The following MGST1 variants were observed in gnomAD, a reference collection of about 807,000 sequenced individuals.
MGST1 encodes microsomal glutathione S-transferase 1.
Under a neutral mutation model 8.9 loss-of-function variants are expected in MGST1, and 5 were observed. That is an observed-to-expected ratio of 0.56 (90% CI 0.29 to 1.19). The LOEUF (loss-of-function observed/expected upper bound fraction) is 1.19, where lower values mean the gene tolerates loss of function less well. Ranked by LOEUF, MGST1 falls within the 50% of genes most tolerant of loss-of-function variation. The pLI is 0.08. For synonymous variants in MGST1, 54 were observed against 67.8 expected, an observed-to-expected ratio of 0.80 and a Z score of 1.00; for missense variants, 182 against 187.4, an observed-to-expected ratio of 0.97 and a Z score of 0.17.
At position 16,364,113 on chromosome 12, in the gene MGST1, T is replaced by C. The variant is rs1055908210; in HGVS notation, c.*72T>C. 4.7e-6 allele frequency: 7 copies of C among 1,499,936 alleles called. No individual in the cohort carries two copies. The African/African-American group carries it at 8.4e-5, about 18-fold the overall frequency. 92.9% of individuals were successfully genotyped at this position (1,499,936 alleles called of 1,614,324 possible). ...TACTTCCAATTTATAATGAATACTT[T>C]CTTAGATTTTAGGTAGGAGGGGAGC... On this transcript the variant is annotated 3_prime_UTR_variant, in exon 4 of 4. Transcript: ENST00000396210. This position sits in a 1 kb window ranked among gnomAD's most constrained non-coding sequence, Gnocchi z 5.7.
downstream of MGST1, among the ~76,000 whole-genome samples, chr12:16,380,864 T>C (rs1433845111): frequency 6.6e-6 from 1 of 152,228 alleles, no homozygotes; most frequent in Non-Finnish European, 1.5e-5. Context: ...TAGTTAGCTC[T>C]TCTTGTTGAA....
chr12:16,583,818 G>A (rs1943238570), intron 4 of MGST1, among the ~76,000 whole-genome samples: 1 of 152,130 alleles, frequency 6.6e-6, no homozygotes, highest in African/African-American at 2.4e-5. Flanking sequence ...GGAAGTGAAG[G>A]GGACTTGCCT....
chr12:16,496,247 G>A (rs182912194), intron 4 of MGST1, among the ~76,000 whole-genome samples: 101 of 152,160 alleles, frequency 6.6e-4, no homozygotes, highest in African/African-American at 2.4e-3. Flanking sequence ...GGAGGCAATC[G>A]AAGTGTCTAT....
intron 4 of MGST1, among the ~76,000 whole-genome samples, chr12:16,527,331 G>A (rs1305326118): frequency 1.3e-5 from 2 of 151,884 alleles, no homozygotes; most frequent in African/African-American, 2.4e-5. Context: ...AGGTGATTTA[G>A]GATTCTGTAA....
chr12:16,386,233 A>G (rs1410371832), intron 1 of MGST1, among the ~76,000 whole-genome samples: 2 of 152,148 alleles, frequency 1.3e-5, no homozygotes, highest in Non-Finnish European at 2.9e-5. Flanking sequence ...TTGCCACTAG[A>G]TGTCCCTGTG....
At chr12:16,506,594 C>T (rs577419886) in intron 4 of MGST1, among the ~76,000 whole-genome samples, 2 of 152,278 alleles carry the variant, frequency 1.3e-5, no homozygotes, top group South Asian at 4.1e-4. Context: ...GGTCATCATA[C>T]TACAGCCTGC....
chr12:16,529,191 T>A (rs1214674723), intron 4 of MGST1, among the ~76,000 whole-genome samples: 3 of 152,078 alleles, frequency 2.0e-5, no homozygotes, highest in African/African-American at 7.2e-5. Flanking sequence ...TCGCTCACTC[T>A]TTCATTCTTG....
Position 16,357,697 on chromosome 12 carries a change from C to G in MGST1, c.219C>G (p.Arg73=), listed in dbSNP as rs1226228050. 2 of 1,607,534 alleles carry G rather than the reference C, an allele frequency of 1.2e-6. No individual in the cohort carries two copies. Among genetic ancestry groups the G allele is most frequent in the African/African-American group, 2.7e-5 (2 of 74,524 alleles). Reference sequence around the variant, plus strand: ...CAGATGACAGAGTAGAACGTGTACGCAGGTAAACCAGTGTCTCTTGAAATT... The same window carrying G: ...CAGATGACAGAGTAGAACGTGTACGGAGGTAAACCAGTGTCTCTTGAAATT... ...LRTDDRVERV[R]RAHLNDLENI... The change falls in exon 3 of 4, where the codon CGC becomes CGG. Residue 73 remains arginine, a splice_region_variant and synonymous_variant. Transcript: ENST00000396210.
chr12:16,396,745 C>T (rs906873185), intron 1 of MGST1, among the ~76,000 whole-genome samples: 1 of 152,102 alleles, frequency 6.6e-6, no homozygotes, highest in Non-Finnish European at 1.5e-5. Flanking sequence ...TGAAAGACCT[C>T]TCCAAGGAAA....
intron 4 of MGST1, among the ~76,000 whole-genome samples, chr12:16,533,279 G>A (rs180893692): frequency 6.6e-6 from 1 of 152,258 alleles, no homozygotes; most frequent in African/African-American, 2.4e-5. Flanking sequence ...TGTTAAAGGT[G>A]AGGCTGTACA....
chr12:16,476,440 T>C (rs1439024895), intron 4 of MGST1, among the ~76,000 whole-genome samples: 1 of 152,190 alleles, frequency 6.6e-6, no homozygotes, highest in Non-Finnish European at 1.5e-5. Context: ...TACTGCAACC[T>C]TCTCTCAGCA....
At chr12:16,490,896 T>C (rs1358690621) in intron 4 of MGST1, among the ~76,000 whole-genome samples, 1 of 152,148 alleles carries the variant, frequency 6.6e-6, no homozygotes, top group Non-Finnish European at 1.5e-5. Context: ...TGACATGATT[T>C]ATTAAGTACT....
chr12:16,431,522 G>A (rs1214439537), intron 1 of MGST1, among the ~76,000 whole-genome samples: 3 of 151,136 alleles, frequency 2.0e-5, no homozygotes, highest in Non-Finnish European at 4.4e-5. Flanking sequence ...TCAATATTGT[G>A]TTTCATGCCC....
intron 1 of MGST1, chr12:16,400,018 A>T (rs553067306): frequency 6.4e-7 from 1 of 1,554,852 alleles, no homozygotes; most frequent in East Asian, 2.2e-5. Context: ...GTTAAATCCC[A>T]AGTCCCTAAA....
rs757101550 is a variant in MGST1, at chr12:16,560,556, T to TTG, written n.483-28971_483-28970insGT. 3 of 1,594,988 alleles carry TTG rather than the reference T, an allele frequency of 1.9e-6. No individual in the cohort carries two copies. Among genetic ancestry groups the TTG allele is most frequent in the Non-Finnish European group, 1.7e-6 (2 of 1,172,138 alleles). ...CAAAGAGCCTAGAATAAGAAACATT[T>TTG]TTTTTTTTTTACAAACTCTTACAGA... On this transcript the variant is annotated intron_variant and non_coding_transcript_variant, in intron 4 of 4. Coordinates refer to the MGST1 transcript ENST00000538857. The surrounding 1 kb of genome is among the most constrained non-coding windows in gnomAD (Gnocchi z 5.0).
intron 1 of MGST1, among the ~76,000 whole-genome samples, chr12:16,394,407 T>C (rs1263791339): frequency 6.6e-6 from 1 of 151,840 alleles, no homozygotes; most frequent in African/African-American, 2.4e-5. Flanking sequence ...TCTTTCTTTC[T>C]TTCTTTCTCA....
At chr12:16,364,489 GAACCA>G, downstream of MGST1, 1 of 703,868 alleles carries the variant, frequency 1.4e-6, no homozygotes, top group East Asian at 1.3e-4. The surrounding 1 kb of genome is among the most constrained non-coding windows in gnomAD (Gnocchi z 5.7). Flanking sequence ...ATAGTACAAA[GAACCA>G]CTCTGTACCC....
chr12:16,395,332 C>G (rs1324166989), intron 1 of MGST1, among the ~76,000 whole-genome samples: 2 of 152,122 alleles, frequency 1.3e-5, no homozygotes, highest in Non-Finnish European at 2.9e-5. Flanking sequence ...TTTCTGACCT[C>G]TCTACATTTA....
chr12:16,511,032 C>G (rs574751064), intron 4 of MGST1, among the ~76,000 whole-genome samples: 123 of 152,070 alleles, frequency 8.1e-4, no homozygotes, highest in Admixed American at 2.8e-3. Context: ...AAAAGATAGG[C>G]CTAGTTGTAT....
Sources: allele counts gnomAD v4.1 joint callset (sites outside exome capture counted in the v4.1 genomes callset), GRCh38; gene constraint gnomAD v4.1.1; non-coding constraint Gnocchi (gnomAD v3.1); transcripts MANE v1.5; gene names NCBI Gene and HGNC (gene_info 2026-07-23, HGNC 2026-07-21).